Variants in PPARGC1B observed in about 807,000 individuals in gnomAD.
PPARGC1B encodes PPARG coactivator 1 beta, also known as peroxisome proliferator-activated receptor gamma coactivator 1-beta.
A neutral mutation model predicts 101.6 loss-of-function variants in PPARGC1B; 34 were observed. The ratio of observed to expected loss-of-function variants is 0.33; its 90% confidence interval spans 0.25 to 0.45. PPARGC1B has a LOEUF of 0.45. PPARGC1B is among the 20% of genes least tolerant of loss of function. PPARGC1B has a pLI of 1.00. For synonymous variants in PPARGC1B, 548 were observed against 539.3 expected (o/e 1.02, Z -0.22); for missense variants, 1,234 against 1,317.6 (o/e 0.94, Z 0.98).
At chr5:149,770,395 A>G (rs1212245174) in intron 1 of PPARGC1B, among the ~76,000 whole-genome samples, 1 of 152,210 alleles carries the variant, frequency 6.6e-6, no homozygotes, top group Non-Finnish European at 1.5e-5. Flanking sequence ...AAAGACGTAC[A>G]GGACATCATC....
intron 1 of PPARGC1B, among the ~76,000 whole-genome samples, chr5:149,797,668 C>T (rs1159251181): frequency 6.6e-6 from 1 of 152,170 alleles, no homozygotes; most frequent in Admixed American, 6.5e-5. Context: ...CACCTGTAAT[C>T]CCAACACCTT....
intron 1 of PPARGC1B, among the ~76,000 whole-genome samples, chr5:149,799,693 G>GTTTTTTGT (rs1757364167): frequency 1.3e-5 from 1 of 76,462 alleles, no homozygotes; most frequent in Non-Finnish European, 2.2e-5. Flanking sequence ...GCTTGTTGTT[G>GTTTTTTGT]TTTTTTTTTT....
In PPARGC1B at chr5:149,851,733, T is replaced by A. The variant is rs926069690; in HGVS notation, c.*4175T>A. On this transcript the variant is annotated 3_prime_UTR_variant, in exon 12 of 12. Transcript: ENST00000309241. The stretch of plus-strand genomic sequence containing the variant: ...CACAGATGGGCTCCAGGTCTGCTCG[T>A]CAAGTTTGGAGGTACCGGGTAAATG... The A allele has an allele frequency of 3.9e-5, 6 of 152,272 alleles. No individual in the cohort carries two copies. In the East Asian group the frequency reaches 1.2e-3, roughly 29 times the overall value. 9.4% of individuals were successfully genotyped at this position (152,272 alleles called of 1,614,324 possible). A position where few individuals can be genotyped will look rare whatever the true frequency, so the allele number is the denominator to read the frequency against.
intron 1 of PPARGC1B, among the ~76,000 whole-genome samples, chr5:149,732,192 C>T (rs1187370257): frequency 6.6e-6 from 1 of 152,216 alleles, no homozygotes; most frequent in Non-Finnish European, 1.5e-5. Context: ...GCGCCGAAGG[C>T]AGGTCCCAGC....
downstream of PPARGC1B, among the ~76,000 whole-genome samples, chr5:149,857,125 C>T (rs1338076080): frequency 6.6e-6 from 1 of 152,066 alleles, no homozygotes; most frequent in African/African-American, 2.4e-5. Flanking sequence ...TAGGTGTCCT[C>T]GGGCAGGTTT....
chr5:149,791,527 C>G (rs569705133), intron 1 of PPARGC1B, among the ~76,000 whole-genome samples: 2 of 152,224 alleles, frequency 1.3e-5, no homozygotes, highest in East Asian at 3.9e-4. Context: ...AGCATACCCA[C>G]TCCAGATTGG....
intron 1 of PPARGC1B, among the ~76,000 whole-genome samples, chr5:149,793,321 A>G (rs1757092332): frequency 6.6e-6 from 1 of 152,140 alleles, no homozygotes; most frequent in South Asian, 2.1e-4. Context: ...TCCTGCAGGA[A>G]GGGAGAGGTG....
intron 1 of PPARGC1B, among the ~76,000 whole-genome samples, chr5:149,800,378 C>A (rs574849018): frequency 1.4e-4 from 22 of 152,278 alleles, no homozygotes; most frequent in South Asian, 6.2e-4. Flanking sequence ...TCACCAAGAA[C>A]TCAGAGATGA....
At chr5:149,758,693 C>G (rs771051181) in intron 1 of PPARGC1B, among the ~76,000 whole-genome samples, 15 of 152,222 alleles carry the variant, frequency 9.9e-5, no homozygotes, top group Admixed American at 7.2e-4. Flanking sequence ...GAGGCCAGCC[C>G]TGCCTGTGGT....
At chr5:149,764,147 T>A (rs1755820652) in intron 1 of PPARGC1B, among the ~76,000 whole-genome samples, 1 of 150,004 alleles carries the variant, frequency 6.7e-6, no homozygotes, top group Non-Finnish European at 1.5e-5. Flanking sequence ...TTTGAGTCCT[T>A]CTGCATTCTT....
At position 149,830,055 on chromosome 5, in the gene PPARGC1B, GAAAA is replaced by G. The variant is rs71587791; in HGVS notation, c.466-700_466-697del. Among the ~76,000 whole-genome samples the G allele has an allele frequency of 5.6e-5, 5 of 89,816 alleles. No homozygotes were observed. In the South Asian group the frequency reaches 1.7e-3, roughly 30 times the overall value. The allele number at this position is 89,816 out of a possible 152,430, so 58.9% of individuals were successfully genotyped here. ...CAAAAAAAAAAAAAAAAAAAAAAAA[GAAAA>G]AAAAAAAAAAACAGGGTGGGTTGGA... is the stretch of plus-strand genomic sequence containing the variant. On this transcript the variant is annotated intron_variant, in intron 3 of 11. Coordinates refer to ENST00000309241, the MANE Select transcript of PPARGC1B (RefSeq NM_133263.4).
intron 10 of PPARGC1B, among the ~76,000 whole-genome samples, chr5:149,842,977 G>A (rs1759409151): frequency 1.3e-5 from 2 of 152,166 alleles, no homozygotes; most frequent in South Asian, 4.1e-4. Flanking sequence ...AGACCAGCCT[G>A]GCCAACATGG....
chr5:149,841,054 G>T (rs542387383), intron 9 of PPARGC1B, among the ~76,000 whole-genome samples: 1 of 152,316 alleles, frequency 6.6e-6, no homozygotes, highest in East Asian at 1.9e-4. Flanking sequence ...CCCCCTTCTG[G>T]CTGAACAGAA....
chr5:149,810,396 C>T (rs73267737), intron 1 of PPARGC1B, among the ~76,000 whole-genome samples: 4,353 of 152,290 alleles, frequency 0.029, 175 homozygotes, highest in African/African-American at 0.096. Context: ...TCCATGCTGC[C>T]GAAGGTGGGG....
intron 1 of PPARGC1B, among the ~76,000 whole-genome samples, chr5:149,752,445 T>A (rs1475310064): frequency 6.6e-6 from 1 of 152,220 alleles, no homozygotes; most frequent in Non-Finnish European, 1.5e-5. Context: ...TTCCTACTAG[T>A]TTCAGCATAC....
chr5:149,770,332 A>G (rs1561516703), intron 1 of PPARGC1B, among the ~76,000 whole-genome samples: 2 of 152,092 alleles, frequency 1.3e-5, no homozygotes, highest in Non-Finnish European at 2.9e-5. Flanking sequence ...GAACACTCTA[A>G]TTGTTTCCTT....
At chr5:149,840,329 A>T (rs986128693) in intron 9 of PPARGC1B, among the ~76,000 whole-genome samples, 1 of 152,180 alleles carries the variant, frequency 6.6e-6, no homozygotes, top group East Asian at 1.9e-4. Context: ...AGGTGGCACC[A>T]TGCAAAGTTC....
chr5:149,806,263 C>A (rs1399605282), intron 1 of PPARGC1B, among the ~76,000 whole-genome samples: 1 of 152,176 alleles, frequency 6.6e-6, no homozygotes, highest in African/African-American at 2.4e-5. Flanking sequence ...GGGGCTCTGG[C>A]ATGACAGCAA....
intron 1 of PPARGC1B, among the ~76,000 whole-genome samples, chr5:149,805,509 G>A (rs898782531): frequency 4.6e-5 from 7 of 152,034 alleles, no homozygotes; most frequent in East Asian, 1.9e-4. Flanking sequence ...GCATGATCTC[G>A]GCTCACTGCA....
Sources: gnomAD v4.1 joint callset for allele counts (sites outside exome capture counted in the v4.1 genomes callset) on GRCh38, gnomAD v4.1.1 for gene constraint, MANE v1.5 for transcripts, NCBI Gene and HGNC (gene_info 2026-07-23, HGNC 2026-07-21) for gene names.